Variants in RGS21 observed in about 807,000 individuals in gnomAD.
RGS21 encodes the protein regulator of G-protein signalling 21.
In RGS21, 19 loss-of-function variants were observed where a neutral mutation model predicts 18.7. The ratio of observed to expected loss-of-function variants is 1.01; its 90% CI spans 0.71 to 1.49. The LOEUF (loss-of-function observed/expected upper bound fraction) is 1.49. Ranked by LOEUF, RGS21 falls within the 40% of genes most tolerant of loss-of-function variation. The pLI, the probability that RGS21 is intolerant of heterozygous loss-of-function variation, is 0.00. For synonymous variants in RGS21, 56 were observed against 57.8 expected, an observed-to-expected ratio of 0.97 and a Z score of 0.14; for missense variants, 194 against 176.8, an observed-to-expected ratio of 1.10 and a Z score of -0.55.
intron 1 of RGS21, among the ~76,000 whole-genome samples, chr1:192,329,425 GATTT>G (rs1658614011): frequency 6.6e-6 from 1 of 151,806 alleles, no homozygotes; most frequent in Admixed American, 6.6e-5. Context: ...TTCTGATTCT[GATTT>G]GACTATTTCT....
intron 1 of RGS21, among the ~76,000 whole-genome samples, chr1:192,321,576 A>T (rs1357619305): frequency 6.6e-6 from 1 of 152,058 alleles, no homozygotes; most frequent in Admixed American, 6.6e-5. Flanking sequence ...TTAAAAAGTT[A>T]TTGACACTTC....
chr1:192,338,473 C>T (rs544772106), intron 1 of RGS21, among the ~76,000 whole-genome samples: 6 of 152,114 alleles, frequency 3.9e-5, no homozygotes, highest in South Asian at 4.2e-4. Context: ...GGGCAAATAA[C>T]GATCAGTGCG....
rs114533252 is a variant in RGS21, at chr1:192,322,365, G to A, written c.-61+5260G>A. 5.1e-3 allele frequency among the ~76,000 whole-genome samples: 781 copies of A among 152,128 alleles called. 7 individuals carry two copies. Among genetic ancestry groups the A allele is most frequent in the African/African-American group, 0.018 (756 of 41,516 alleles). On this transcript the variant is annotated intron_variant, in intron 1 of 4. Transcript: ENST00000417209. ...TCCCAGACCAACAGGCCCATCAAAT[G>A]CCACAGGAAGGCTCTCTTAGGAAGA...
intron 3 of RGS21, among the ~76,000 whole-genome samples, chr1:192,348,705 T>G (rs1313221434): frequency 6.6e-6 from 1 of 152,094 alleles, no homozygotes; most frequent in Non-Finnish European, 1.5e-5. Context: ...ATAAATAATC[T>G]GCAATTCTAT....
chr1:192,357,063 A>G (rs1331649405), intron 4 of RGS21, among the ~76,000 whole-genome samples: 3 of 151,876 alleles, frequency 2.0e-5, no homozygotes, highest in Non-Finnish European at 4.4e-5. Context: ...ATAAACTTCC[A>G]TGAGTGTCCT....
At chr1:192,363,928 T>C (rs892480079) in intron 4 of RGS21, among the ~76,000 whole-genome samples, 1 of 152,160 alleles carries the variant, frequency 6.6e-6, no homozygotes. Context: ...ATTTATTTAG[T>C]TGTTGGTTTT....
At chr1:192,332,240 A>G (rs1658668070) in intron 1 of RGS21, among the ~76,000 whole-genome samples, 1 of 152,166 alleles carries the variant, frequency 6.6e-6, no homozygotes, top group Non-Finnish European at 1.5e-5. Flanking sequence ...CAGAATCAAA[A>G]TATCTCATAA....
Position 192,355,925 on chromosome 1 carries a change from T to G in RGS21, c.255+3712T>G, listed in dbSNP as rs374176024. On this transcript the variant is annotated intron_variant, in intron 4 of 4. Coordinates refer to ENST00000417209, the MANE Select transcript of RGS21 (RefSeq NM_001039152.3). Reference sequence around the variant, plus strand: ...TAATGTTGATTGTCATTCTATGAAATTAGAATTATAGTATCAAATCATATC... The same window carrying G: ...TAATGTTGATTGTCATTCTATGAAAGTAGAATTATAGTATCAAATCATATC... 6.1e-4 allele frequency among the ~76,000 whole-genome samples: 93 copies of G among 151,666 alleles called. 1 individual carries two copies. In the South Asian group the frequency reaches 0.018, roughly 30 times the overall value.
chr1:192,331,973 T>A (rs12124127), intron 1 of RGS21, among the ~76,000 whole-genome samples: 10 of 151,474 alleles, frequency 6.6e-5, no homozygotes, highest in African/African-American at 9.7e-5. Context: ...TTATTTGATG[T>A]AAAAAAAATA....
At chr1:192,337,620 A>G (rs1658790591) in intron 1 of RGS21, among the ~76,000 whole-genome samples, 1 of 152,134 alleles carries the variant, frequency 6.6e-6, no homozygotes. Context: ...CAACACAGAA[A>G]TGTAAAACAC....
chr1:192,335,830 C>A (rs756498683), intron 1 of RGS21, among the ~76,000 whole-genome samples: 1 of 152,078 alleles, frequency 6.6e-6, no homozygotes, highest in Admixed American at 6.6e-5. Flanking sequence ...AACAGTGGGA[C>A]TTTCAGGGAA....
intron 1 of RGS21, among the ~76,000 whole-genome samples, chr1:192,335,487 C>T (rs1346189087): frequency 6.6e-6 from 1 of 152,052 alleles, no homozygotes; most frequent in Admixed American, 6.6e-5. Context: ...TATTGTTTTT[C>T]TACCTATCCA....
chr1:192,333,987 A>G (rs1055078248), intron 1 of RGS21, among the ~76,000 whole-genome samples: 6 of 152,162 alleles, frequency 3.9e-5, no homozygotes, highest in Non-Finnish European at 8.8e-5. Flanking sequence ...AAAAGTAAAA[A>G]CATGTTTATG....
chr1:192,332,796 C>T (rs1057144750), intron 1 of RGS21, among the ~76,000 whole-genome samples: 3 of 152,124 alleles, frequency 2.0e-5, no homozygotes, highest in African/African-American at 7.2e-5. Context: ...CACCTGTAGT[C>T]CTAGCTACTC....
intron 1 of RGS21, among the ~76,000 whole-genome samples, chr1:192,339,366 T>A (rs1658818272): frequency 1.3e-5 from 2 of 152,246 alleles, no homozygotes; most frequent in East Asian, 1.9e-4. Context: ...AGTAGTTTCT[T>A]AGGTTAATAG....
intron 1 of RGS21, among the ~76,000 whole-genome samples, chr1:192,342,420 T>C (rs1658883854): frequency 6.6e-6 from 1 of 151,916 alleles, no homozygotes; most frequent in East Asian, 1.9e-4. Context: ...AAGAGAGAAA[T>C]GTATGTTATT....
chr1:192,323,579 A>T (rs1437704086), intron 1 of RGS21, among the ~76,000 whole-genome samples: 1 of 152,238 alleles, frequency 6.6e-6, no homozygotes. Context: ...GATGATTGAA[A>T]AATTGACTGG....
At chr1:192,350,191 G>T (rs935409468) in intron 3 of RGS21, among the ~76,000 whole-genome samples, 5 of 152,066 alleles carry the variant, frequency 3.3e-5, no homozygotes, top group Admixed American at 1.3e-4. Flanking sequence ...TTTCAACCAA[G>T]AATTTTAATT....
intron 4 of RGS21, among the ~76,000 whole-genome samples, chr1:192,365,421 A>G (rs1659240126): frequency 6.6e-6 from 1 of 152,116 alleles, no homozygotes; most frequent in African/African-American, 2.4e-5. Context: ...AGAATCACTA[A>G]AGAGGGGATG....
Sources: allele counts gnomAD v4.1 joint callset (sites outside exome capture counted in the v4.1 genomes callset), GRCh38; gene constraint gnomAD v4.1.1; transcripts MANE v1.5; gene names NCBI Gene and HGNC (gene_info 2026-07-23, HGNC 2026-07-21).